WDR49: variants seen among roughly 807,000 people sequenced by gnomAD.
WDR49 encodes cilia- and flagella-associated protein 337.
Under a neutral mutation model 119.5 loss-of-function variants are expected in WDR49, and 107 were observed. The observed-to-expected ratio is 0.90, with a 90% CI of 0.77 to 1.05. WDR49 has a LOEUF of 1.05. Among genes scored for constraint, WDR49 ranks in the 50% least tolerant of loss-of-function variants. The pLI, the probability that WDR49 is intolerant of heterozygous loss-of-function variation, is 0.00. For synonymous variants in WDR49, 425 were observed against 418.8 expected, an observed-to-expected ratio of 1.01 and a Z score of -0.18; for missense variants, 1,240 against 1,220.5, an observed-to-expected ratio of 1.02 and a Z score of -0.24.
chr3:167,536,877 A>G lies in WDR49; in HGVS notation c.1947T>C (p.Leu649=), dbSNP rs1297130792. ...LCAAFLPPQT[L]VTGSYDGEIV... is the part of the protein sequence containing the mutation. ...AGTGAAAGTTCAATTTACCCGTAAC[A>G]AGAGTTTGTGGAGGTAAAAACGCAG... The change falls in exon 11 of 19, where the codon CTT becomes CTC. Residue 649 remains leucine, a synonymous_variant. Transcript: ENST00000682715. The G allele has an allele frequency of 6.6e-7, 1 of 1,505,908 alleles. No homozygotes were observed. Among genetic ancestry groups the G allele is most frequent in the Non-Finnish European group, 8.9e-7 (1 of 1,125,584 alleles). 93.3% of individuals were successfully genotyped at this position (1,505,908 alleles called of 1,614,324 possible).
intron 10 of WDR49, among the ~76,000 whole-genome samples, chr3:167,546,671 A>T (rs1560279463): frequency 6.6e-6 from 1 of 151,204 alleles, no homozygotes; most frequent in African/African-American, 2.4e-5. Context: ...TGAGAACAAA[A>T]TTAGTTTACC....
At chr3:167,633,843 T>C (rs903093881) in intron 2 of WDR49, among the ~76,000 whole-genome samples, 1 of 151,982 alleles carries the variant, frequency 6.6e-6, no homozygotes, top group Non-Finnish European at 1.5e-5. Flanking sequence ...GAAGTACCAA[T>C]AAGATTGTCT....
At chr3:167,512,196 G>A (rs185804828) in intron 16 of WDR49, among the ~76,000 whole-genome samples, 20 of 152,098 alleles carry the variant, frequency 1.3e-4, no homozygotes, top group Admixed American at 3.9e-4. Flanking sequence ...TCATACAGGA[G>A]AGCTCCCACT....
intron 8 of WDR49, among the ~76,000 whole-genome samples, chr3:167,572,523 G>A (rs1713992755): frequency 6.6e-6 from 1 of 152,196 alleles, no homozygotes; most frequent in Non-Finnish European, 1.5e-5. Context: ...CAAAGATCAA[G>A]AGACCATGGG....
Position 167,532,995 on chromosome 3 carries a change from G to C in WDR49, c.1955-18C>G. 1 of 1,522,390 alleles carries C rather than the reference G, an allele frequency of 6.6e-7. No individual in the cohort carries two copies. 94.3% of individuals were successfully genotyped at this position (1,522,390 alleles called of 1,614,324 possible). A position where few individuals can be genotyped will look rare whatever the true frequency, so the allele number is the denominator to read the frequency against. On this transcript the variant is annotated intron_variant, in intron 11 of 18. Transcript: ENST00000682715. ...ATAACTCCCTACACAAGACAGGATG[G>C]AGAATATAAATTGCCAGGAGATTAA...
chr3:167,520,465 T>C (rs1752398075), intron 16 of WDR49, among the ~76,000 whole-genome samples: 1 of 152,168 alleles, frequency 6.6e-6, no homozygotes, highest in African/African-American at 2.4e-5. Flanking sequence ...CATTTTATCC[T>C]ATGTAAAGTC....
rs772711025 is a variant in WDR49, at chr3:167,532,908, T to A, written c.2024A>T (p.Asp675Val). Residue 675 changes from aspartate to valine, a missense_variant, in exon 12 of 19, where the codon GAT (aspartate) becomes GTT (valine). Physicochemically the swap from Asp to Val is radical, Grantham distance 152. Transcript: ENST00000682715. The part of the protein sequence containing the change: ...TENAHHVLHP[D>V]YQRLLKSKLD... ...TTTTGACTTTAGCAACCTCTGGTAATCAGGGTGAAGAACATGGTGAGCATT... is the reference window on the plus strand; with the variant it reads ...TTTTGACTTTAGCAACCTCTGGTAAACAGGGTGAAGAACATGGTGAGCATT... 6.2e-7 allele frequency: 1 copy of A among 1,609,288 alleles called. No homozygotes were observed. The highest frequency in any genetic ancestry group is 1.7e-5 in the Admixed American group (1 of 59,660).
chr3:167,568,624 CA>C (rs1713750062), intron 8 of WDR49, among the ~76,000 whole-genome samples: 1 of 152,114 alleles, frequency 6.6e-6, no homozygotes, highest in African/African-American at 2.4e-5. Flanking sequence ...TGGTACATAT[CA>C]AGCAAATCAA....
At chr3:167,532,744 T>C in intron 12 of WDR49, 135 bp downstream of exon 12, 1 of 568,826 alleles carries the variant, frequency 1.8e-6, no homozygotes, top group Admixed American at 3.4e-5. Context: ...GGCAAGACAA[T>C]GATATCCTTA....
chr3:167,651,598 T>G (rs1718385961), intron 2 of WDR49, among the ~76,000 whole-genome samples: 1 of 152,146 alleles, frequency 6.6e-6, no homozygotes, highest in Admixed American at 6.5e-5. Context: ...AACTTCATTT[T>G]TTTTTTTTGA....
At position 167,588,174 on chromosome 3, in the gene WDR49, G is replaced by C. The variant is rs532097693; in HGVS notation, c.1276-12023C>G. 2.8e-3 allele frequency among the ~76,000 whole-genome samples: 423 copies of C among 151,766 alleles called. 1 individual carries two copies. Among genetic ancestry groups the C allele is most frequent in the African/African-American group, 9.7e-3 (401 of 41,392 alleles). Reference sequence around the variant, plus strand: ...ATCAGTTCAATTGTTTTAATTTTTAGCTCCCACAAATAAGTGAGAACACCT... The same window carrying C: ...ATCAGTTCAATTGTTTTAATTTTTACCTCCCACAAATAAGTGAGAACACCT... On this transcript the variant is annotated intron_variant, in intron 7 of 18. Coordinates refer to ENST00000682715, the MANE Select transcript of WDR49 (RefSeq NM_001366157.1).
At chr3:167,590,694 G>C (rs1715066098) in intron 7 of WDR49, among the ~76,000 whole-genome samples, 1 of 151,948 alleles carries the variant, frequency 6.6e-6, no homozygotes, top group South Asian at 2.1e-4. Flanking sequence ...AACATATAGT[G>C]GCTCATAGTA....
intron 16 of WDR49, among the ~76,000 whole-genome samples, chr3:167,515,971 A>G (rs973706103): frequency 8.5e-5 from 13 of 152,248 alleles, no homozygotes; most frequent in African/African-American, 3.1e-4. Context: ...CCATTGCTCA[A>G]GGAAATCAGA....
intron 15 of WDR49, 66 bp downstream of exon 15, chr3:167,527,754 A>G (rs1181086882): frequency 4.8e-6 from 7 of 1,458,862 alleles, no homozygotes; most frequent in Middle Eastern, 4.5e-4. Flanking sequence ...ATTCAAATAG[A>G]AATCAGCCCA....
chr3:167,647,322 C>T (rs1718173375), intron 2 of WDR49, among the ~76,000 whole-genome samples: 1 of 152,134 alleles, frequency 6.6e-6, no homozygotes, highest in Non-Finnish European at 1.5e-5. Context: ...ACACACTGAT[C>T]CAGATTAATT....
rs151083851 is a variant in WDR49, at chr3:167,531,207, G to A, written c.2126C>T (p.Thr709Met). The A allele has an allele frequency of 1.6e-4, 251 of 1,611,724 alleles. No homozygotes were observed. Among genetic ancestry groups the A allele is most frequent in the African/African-American group, 8.5e-4 (64 of 74,898 alleles). ...PSHPMADHST[T>M]GVRNFEIDTE... ...GTCAATCTCAAAGTTGCGGACTCCC[G>A]TGGTAGAATGGTCTGCCATGGGGTG... Residue 709 changes from threonine to methionine, a missense_variant, in exon 13 of 19, where the codon ACG becomes ATG. By Grantham distance (81) the Thr-to-Met change is moderately conservative. Coordinates refer to ENST00000682715, the MANE Select transcript of WDR49 (RefSeq NM_001366157.1).
chr3:167,650,321 C>T (rs1285482988), intron 2 of WDR49, among the ~76,000 whole-genome samples: 1 of 152,156 alleles, frequency 6.6e-6, no homozygotes, highest in Non-Finnish European at 1.5e-5. Context: ...CATGTCATTT[C>T]TCTAAGTATT....
intron 18 of WDR49, among the ~76,000 whole-genome samples, chr3:167,488,548 T>C (rs985515843): frequency 2.0e-5 from 3 of 152,004 alleles, no homozygotes; most frequent in Admixed American, 2.0e-4. Context: ...ATAAAGTAAA[T>C]AAATAAATAC....
chr3:167,521,196 C>T (rs1171430659), intron 16 of WDR49, among the ~76,000 whole-genome samples: 1 of 152,002 alleles, frequency 6.6e-6, no homozygotes, highest in African/African-American at 2.4e-5. Context: ...TGGCAATGTG[C>T]AGGACTGTAA....
Sources: allele counts gnomAD v4.1 joint callset (sites outside exome capture counted in the v4.1 genomes callset), GRCh38; gene constraint gnomAD v4.1.1; transcripts MANE v1.5; gene names NCBI Gene and HGNC (gene_info 2026-07-23, HGNC 2026-07-21).